Variants in TMED1 observed in about 807,000 individuals in gnomAD.
TMED1 encodes transmembrane emp24 domain-containing protein 1.
In TMED1, 20 loss-of-function variants were observed where a neutral mutation model predicts 21.2. The ratio of observed to expected loss-of-function variants is 0.95; its 90% CI spans 0.67 to 1.37. The LOEUF (loss-of-function observed/expected upper bound fraction) is 1.37. TMED1 is among the 40% of genes most tolerant of loss of function. The probability of loss-of-function intolerance (pLI) is 0.00; values close to 1 mark genes in which losing one functional copy is unlikely to be tolerated. For missense variants in TMED1, 316 were observed against 309.8 expected (o/e 1.02, Z -0.15); for synonymous variants, 149 against 134.7 (o/e 1.11, Z -0.74).
chr19:10,835,296 G>A lies in TMED1; in HGVS notation c.241C>T (p.Leu81=). The A allele has an allele frequency of 6.2e-7, 1 of 1,614,022 alleles. No individual in the cohort carries two copies. Among genetic ancestry groups the A allele is most frequent in the Non-Finnish European group, 8.5e-7 (1 of 1,179,984 alleles). ...DFTLESPQGV[L]LVSESRKADG... ...GCCTTGCGGGACTCGCTGACCAACA[G>A]CACGCCCTGAGGGCTCTCCAGCGTG... The change falls in exon 2 of 4, where the codon CTG becomes TTG. Residue 81 remains leucine, a synonymous_variant. Transcript: ENST00000214869.
At position 10,832,361 on chromosome 19, in the gene TMED1, T is replaced by C. The variant is rs2073367578; in HGVS notation, c.*634A>G. 1.6e-6 allele frequency: 2 copies of C among 1,289,902 alleles called. No individual in the cohort carries two copies. The highest frequency in any genetic ancestry group is 2.0e-6 in the Non-Finnish European group (2 of 988,960). 79.9% of individuals were successfully genotyped at this position (1,289,902 alleles called of 1,614,324 possible). A position where few individuals can be genotyped will look rare whatever the true frequency, so the allele number is the denominator to read the frequency against. On this transcript the variant is annotated 3_prime_UTR_variant, in exon 4 of 4. Coordinates refer to ENST00000214869, the MANE Select transcript of TMED1 (RefSeq NM_006858.4). The stretch of plus-strand genomic sequence containing the variant: ...TCTTCTGAGCTTCGTGGGAGGCCCC[T>C]CCCACCTGTCTGGCTGCCCCCTCGG...
chr19:10,832,654 C>T lies in TMED1; in HGVS notation c.*341G>A. On this transcript the variant is annotated 3_prime_UTR_variant, in exon 4 of 4. Transcript: ENST00000214869. ...GAGGGCCCAGGTTTCCTTGTTAGGC[C>T]CTGCCCCGCACCAGGCAACGCTAAC... is the stretch of plus-strand genomic sequence containing the variant. The T allele has an allele frequency of 1.8e-6, 1 of 569,446 alleles. No individual in the cohort carries two copies. The highest frequency in any genetic ancestry group is 3.1e-6 in the Non-Finnish European group (1 of 319,712). 35.3% of individuals were successfully genotyped at this position (569,446 alleles called of 1,614,324 possible).
chr19:10,835,525 C>T, intron 1 of TMED1, 172 bp from the exon 2 acceptor site: 9 of 1,460,262 alleles, frequency 6.2e-6, no homozygotes, highest in Non-Finnish European at 7.2e-6. Context: ...CTTGCCTCCA[C>T]CCTCATTGAT....
At position 10,835,293 on chromosome 19, in the gene TMED1, A is replaced by G. The variant is rs1430773353; in HGVS notation, c.244T>C (p.Leu82=). 4 of 1,614,042 alleles carry G rather than the reference A, an allele frequency of 2.5e-6. No homozygotes were observed. Among genetic ancestry groups the G allele is most frequent in the Non-Finnish European group, 3.4e-6 (4 of 1,179,988 alleles). Residue 82 remains leucine, a synonymous_variant, in exon 2 of 4, where the codon TTG becomes CTG. Transcript: ENST00000214869. ...FTLESPQGVL[L]VSESRKADGV... The stretch of plus-strand genomic sequence containing the variant: ...TCAGCCTTGCGGGACTCGCTGACCA[A>G]CAGCACGCCCTGAGGGCTCTCCAGC...
At chr19:10,835,918 C>A (rs2073422448) in intron 1 of TMED1, 91 bp downstream of exon 1, 5 of 1,464,654 alleles carry the variant, frequency 3.4e-6, no homozygotes, top group Non-Finnish European at 4.5e-6. Context: ...ACGGATTCCT[C>A]CCCCTTCCTC....
Position 10,836,104 on chromosome 19 carries a change from G to T in TMED1, c.88C>A (p.Gln30Lys). 1 of 1,584,732 alleles carries T rather than the reference G, an allele frequency of 6.3e-7. No individual in the cohort carries two copies. The highest frequency in any genetic ancestry group is 1.1e-5 in the South Asian group (1 of 87,382). Residue 30 changes from glutamine (Q) to lysine (K), a missense_variant, in exon 1 of 4, where the codon CAG (glutamine) becomes AAG (lysine). Transcript: ENST00000214869. ...AACAGGAACGTGAACTCACCGTCCTGGATTGGCGGGGGCCCCGCCCCTCCC... is the reference window on the plus strand; with the variant it reads ...AACAGGAACGTGAACTCACCGTCCTTGATTGGCGGGGGCCCCGCCCCTCCC... The part of the protein sequence containing the change: ...EVGGAGPPPI[Q>K]DGEFTFLLPA...
intron 3 of TMED1, chr19:10,833,514 C>G: frequency 2.4e-6 from 1 of 413,272 alleles, no homozygotes; most frequent in Non-Finnish European, 4.5e-6. Flanking sequence ...ATAATCCTAG[C>G]ACTTTGGAAG....
At chr19:10,833,777 T>C (rs1300742578) in intron 3 of TMED1, among the ~76,000 whole-genome samples, 1 of 151,900 alleles carries the variant, frequency 6.6e-6, no homozygotes, top group Non-Finnish European at 1.5e-5. Flanking sequence ...GGCATGGTGG[T>C]GCACACCCGT....
rs1305276011 is a variant in TMED1, at chr19:10,833,095, A to C, written c.584T>G (p.Phe195Cys). Residue 195 changes from phenylalanine (F) to cysteine (C), a missense_variant, in exon 4 of 4, where the codon TTC (phenylalanine) becomes TGC (cysteine). By Grantham distance (205) the Phe-to-Cys change is radical. Coordinates refer to ENST00000214869, the MANE Select transcript of TMED1 (RefSeq NM_006858.4). ...CACCGCCACGTTGACAGCTGACCAG[A>C]AGTTGACCCGCTCCAAGTTGCCCTC... ...LQEGNLERVN[F>C]WSAVNVAVLL... 2 of 1,613,984 alleles carry C rather than the reference A, an allele frequency of 1.2e-6. No homozygotes were observed. Among genetic ancestry groups the C allele is most frequent in the African/African-American group, 2.7e-5 (2 of 74,950 alleles).
chr19:10,832,688 G>T lies in TMED1; in HGVS notation c.*307C>A. 1 of 589,568 alleles carries T rather than the reference G, an allele frequency of 1.7e-6. No individual in the cohort carries two copies. 36.5% of individuals were successfully genotyped at this position (589,568 alleles called of 1,614,324 possible). A position where few individuals can be genotyped will look rare whatever the true frequency, so the allele number is the denominator to read the frequency against. ...CACCAGGCAACGCTAACACAGGATG[G>T]GAGGCTTAGGCTAAGGCACATTTAC... On this transcript the variant is annotated 3_prime_UTR_variant, in exon 4 of 4. Coordinates refer to ENST00000214869, the MANE Select transcript of TMED1 (RefSeq NM_006858.4).
At position 10,832,246 on chromosome 19, in the gene TMED1, C is replaced by T. The variant is rs969026352; in HGVS notation, c.*749G>A. The stretch of plus-strand genomic sequence containing the variant: ...TCTCACCTCGTGGGGAAGCCCAAGC[C>T]TCGTGGCCCAACTGGGGCTCAGTTA... On this transcript the variant is annotated 3_prime_UTR_variant, in exon 4 of 4. Transcript: ENST00000214869. 1.6e-6 allele frequency: 2 copies of T among 1,279,576 alleles called. No homozygotes were observed. Among genetic ancestry groups the T allele is most frequent in the African/African-American group, 3.0e-5 (2 of 65,646 alleles). 79.3% of individuals were successfully genotyped at this position (1,279,576 alleles called of 1,614,324 possible).
Position 10,832,878 on chromosome 19 carries a change from C to G in TMED1, c.*117G>C. The G allele has an allele frequency of 1.7e-6, 2 of 1,184,478 alleles. No individual in the cohort carries two copies. Among genetic ancestry groups the G allele is most frequent in the Middle Eastern group, 2.5e-4 (1 of 3,962 alleles). 73.4% of individuals were successfully genotyped at this position (1,184,478 alleles called of 1,614,324 possible). On this transcript the variant is annotated 3_prime_UTR_variant, in exon 4 of 4. Coordinates refer to ENST00000214869, the MANE Select transcript of TMED1 (RefSeq NM_006858.4). Reference sequence around the variant, plus strand: ...GAGACTCATGGGGCCAGACCGCAGGCCCTGACTGCACACTCCCGTTTTGGC... The same window carrying G: ...GAGACTCATGGGGCCAGACCGCAGGGCCTGACTGCACACTCCCGTTTTGGC...
At chr19:10,833,984 A>G (rs2073394052) in intron 3 of TMED1, among the ~76,000 whole-genome samples, 1 of 152,144 alleles carries the variant, frequency 6.6e-6, no homozygotes, top group Admixed American at 6.5e-5. Context: ...AGCCTGGCCA[A>G]CATGGTGAAA....
In TMED1 at chr19:10,833,208, G is replaced by A; in HGVS notation, c.471C>T (p.Ser157=). The stretch of plus-strand genomic sequence containing the variant: ...CCAGCCGGGTCCGCATGGTCTCAAT[G>A]GACTCCTACAGGGCAGCGGGAGGGG... The part of the protein sequence containing the change: ...LDVKMEDIKE[S]IETMRTRLER... Residue 157 remains serine (S), a synonymous_variant, in exon 4 of 4, where the codon TCC becomes TCT. Coordinates refer to ENST00000214869, the MANE Select transcript of TMED1 (RefSeq NM_006858.4). The A allele has an allele frequency of 1.2e-6, 2 of 1,612,194 alleles. No individual in the cohort carries two copies. Among genetic ancestry groups the A allele is most frequent in the Non-Finnish European group, 1.7e-6 (2 of 1,179,412 alleles).
intron 3 of TMED1, 61 bp downstream of exon 3, chr19:10,834,873 G>T (rs536958968): frequency 7.0e-6 from 11 of 1,568,984 alleles, no homozygotes; most frequent in Non-Finnish European, 8.7e-6. Context: ...AGCCCAAGGG[G>T]GGCACCCCAG....
chr19:10,833,118 C>T lies in TMED1; in HGVS notation c.561G>A (p.Glu187=). 2 of 1,614,060 alleles carry T rather than the reference C, an allele frequency of 1.2e-6. No homozygotes were observed. The highest frequency in any genetic ancestry group is 1.7e-6 in the Non-Finnish European group (2 of 1,180,046). The change falls in exon 4 of 4, where the codon GAG becomes GAA. Residue 187 remains glutamate (E), a synonymous_variant. Transcript: ENST00000214869. ...AFEARDRNLQ[E]GNLERVNFWS... ...AGAAGTTGACCCGCTCCAAGTTGCC[C>T]TCTTGCAGGTTGCGGTCACGTGCCT...
In TMED1 at chr19:10,835,994, C is replaced by T; in HGVS notation, c.183+15G>A. 1.9e-6 allele frequency: 3 copies of T among 1,566,052 alleles called. No individual in the cohort carries two copies. The highest frequency in any genetic ancestry group is 2.4e-5 in the East Asian group (1 of 42,210). ...CTCCCTGACTCTGCTGGCCGCCCAGCCCGCGACCCTCTACCTGGTATTCGG... is the reference window on the plus strand; with the variant it reads ...CTCCCTGACTCTGCTGGCCGCCCAGTCCGCGACCCTCTACCTGGTATTCGG... On this transcript the variant is annotated intron_variant, in intron 1 of 3. Transcript: ENST00000214869.
At chr19:10,835,963 C>T (rs776619534) in intron 1 of TMED1, 46 bp downstream of exon 1, 154 of 1,525,702 alleles carry the variant, frequency 1.0e-4, no homozygotes, top group Non-Finnish European at 1.3e-4. Flanking sequence ...CTTGGCCACG[C>T]CCCCTCTCCC....
chr19:10,835,373 G>T lies in TMED1; in HGVS notation c.184-20C>A. 1 of 1,613,090 alleles carries T rather than the reference G, an allele frequency of 6.2e-7. No individual in the cohort carries two copies. The highest frequency in any genetic ancestry group is 1.1e-5 in the South Asian group (1 of 91,074). On this transcript the variant is annotated intron_variant, in intron 1 of 3. Transcript: ENST00000214869. ...GATCACCTGGGGGGCAGGTAAGAGC[G>T]GGTGGAGGGCTAGCGGTAGGCCAAG...
Sources: gnomAD v4.1 joint callset for allele counts (sites outside exome capture counted in the v4.1 genomes callset) on GRCh38, gnomAD v4.1.1 for gene constraint, MANE v1.5 for transcripts, NCBI Gene and HGNC (gene_info 2026-07-23, HGNC 2026-07-21) for gene names.